Variants in LYRM4 observed in about 807,000 individuals in gnomAD.
The protein encoded by LYRM4 is LYR motif-containing protein 4.
A neutral mutation model predicts 11.7 loss-of-function variants in LYRM4; 9 were observed. The observed-to-expected ratio is 0.77, with a 90% confidence interval of 0.46 to 1.34. LYRM4 has a LOEUF of 1.34. Ranked by LOEUF, LYRM4 falls within the 40% of genes most tolerant of loss-of-function variation. The probability of loss-of-function intolerance (pLI) is 0.00; values close to 1 mark genes in which losing one functional copy is unlikely to be tolerated. For synonymous variants in LYRM4, 42 were observed against 40.4 expected, an observed-to-expected ratio of 1.04 and a Z score of -0.15; for missense variants, 133 against 112.5, an observed-to-expected ratio of 1.18 and a Z score of -0.82.
chr6:5,077,210 G>C, the LYRM4 span, among the ~76,000 whole-genome samples: 2 of 152,208 alleles, frequency 1.3e-5, no homozygotes, highest in Admixed American at 6.5e-5. Flanking sequence ...CACCTCACTA[G>C]GTTCCTATAA....
chr6:5,229,533 C>A (rs1763108481), intron 1 of LYRM4, among the ~76,000 whole-genome samples: 1 of 152,200 alleles, frequency 6.6e-6, no homozygotes, highest in Non-Finnish European at 1.5e-5. Flanking sequence ...TCTTCCTCCA[C>A]AGTTAGAAAA....
At position 5,158,790 on chromosome 6, in the gene LYRM4, G is replaced by A. The variant is rs570294029; in HGVS notation, c.208-49299C>T. On this transcript the variant is annotated intron_variant, in intron 2 of 2. Transcript: ENST00000330636. The stretch of plus-strand genomic sequence containing the variant: ...GCCTGGTCAAGTCTGCAGGTCTTGA[G>A]GTCATGTCTGTCAAGCAGAAATCTA... 1.2e-3 allele frequency among the ~76,000 whole-genome samples: 182 copies of A among 152,274 alleles called. 1 individual carries two copies. Among genetic ancestry groups the A allele is most frequent in the African/African-American group, 4.2e-3 (173 of 41,548 alleles).
chr6:5,133,086 T>C (rs1764029854), intron 2 of LYRM4, among the ~76,000 whole-genome samples: 1 of 152,168 alleles, frequency 6.6e-6, no homozygotes, highest in South Asian at 2.1e-4. Flanking sequence ...TGTTGTTGTG[T>C]TGGGCAGGGT....
intron 1 of LYRM4, among the ~76,000 whole-genome samples, chr6:5,221,460 C>T (rs1013890924): frequency 6.6e-6 from 1 of 151,800 alleles, no homozygotes. Flanking sequence ...TCTGGGAGGC[C>T]AAGGCGGGCG....
chr6:5,246,873 A>C lies in LYRM4; in HGVS notation c.86+13775T>G, dbSNP rs554030920. Among the ~76,000 whole-genome samples the C allele has an allele frequency of 3.3e-5, 5 of 152,238 alleles. No homozygotes were observed. In the South Asian group the frequency reaches 1.0e-3, roughly 32 times the overall value. ...AACAGAGACTTGGGAGTAAACACAG[A>C]GGTGGCAATTGAAACCACGGAATGT... On this transcript the variant is annotated intron_variant, in intron 1 of 2. Transcript: ENST00000330636.
intron 2 of LYRM4, among the ~76,000 whole-genome samples, chr6:5,201,890 A>C (rs1761413258): frequency 6.6e-6 from 1 of 152,188 alleles, no homozygotes; most frequent in Non-Finnish European, 1.5e-5. Flanking sequence ...CCTGGCATCA[A>C]CCATTACTGG....
intron 2 of LYRM4, among the ~76,000 whole-genome samples, chr6:5,207,958 A>G (rs62385044): frequency 0.016 from 2,397 of 152,248 alleles, 31 homozygotes; most frequent in Non-Finnish European, 0.026. Context: ...GCCACCCATA[A>G]TCTGATCCCT....
intron 1 of LYRM4, among the ~76,000 whole-genome samples, chr6:5,253,334 G>A (rs1328949467): frequency 6.6e-6 from 1 of 151,616 alleles, no homozygotes; most frequent in African/African-American, 2.4e-5. Flanking sequence ...AAGGAATGCA[G>A]TTTTTGCATT....
the LYRM4 span, among the ~76,000 whole-genome samples, chr6:5,058,033 T>C: frequency 3.9e-5 from 6 of 152,164 alleles, no homozygotes; most frequent in African/African-American, 1.4e-4. Flanking sequence ...ATTACAGGCA[T>C]GAGCCACCAC....
At chr6:5,153,854 A>T (rs1396332665) in intron 2 of LYRM4, among the ~76,000 whole-genome samples, 1 of 152,214 alleles carries the variant, frequency 6.6e-6, no homozygotes, top group Non-Finnish European at 1.5e-5. Flanking sequence ...AATAATTTTA[A>T]AACAGCAAAC....
At chr6:5,225,555 A>T (rs958850179) in intron 1 of LYRM4, among the ~76,000 whole-genome samples, 1 of 152,236 alleles carries the variant, frequency 6.6e-6, no homozygotes, top group African/African-American at 2.4e-5. Flanking sequence ...ATTTAGTTTT[A>T]AAAATGGTTA....
At chr6:5,185,133 C>T (rs537493368) in intron 2 of LYRM4, among the ~76,000 whole-genome samples, 1 of 152,192 alleles carries the variant, frequency 6.6e-6, no homozygotes, top group Non-Finnish European at 1.5e-5. Flanking sequence ...AGGGTCGAGT[C>T]GCCCCTTGTT....
chr6:5,259,396 A>C (rs1377329010), intron 1 of LYRM4, among the ~76,000 whole-genome samples: 1 of 152,262 alleles, frequency 6.6e-6, no homozygotes, highest in Non-Finnish European at 1.5e-5. Flanking sequence ...AGTCAAAGTC[A>C]TTAAGTAAAA....
intron 1 of LYRM4, among the ~76,000 whole-genome samples, chr6:5,252,348 C>T (rs1764473564): frequency 6.6e-6 from 1 of 152,178 alleles, no homozygotes; most frequent in Admixed American, 6.5e-5. Flanking sequence ...AGTTGCTTCT[C>T]CTCTCTATGC....
chr6:5,228,816 C>T lies in LYRM4; in HGVS notation c.87-12078G>A, dbSNP rs546460714. 2.8e-3 allele frequency among the ~76,000 whole-genome samples: 417 copies of T among 150,550 alleles called. 2 individuals carry two copies. The highest frequency in any genetic ancestry group is 3.7e-3 in the Non-Finnish European group (252 of 67,636). ...GAGATCGAGACCATCCTGGCTAACA[C>T]GGTGAAACCCCGTCTCTACTAAAAA... On this transcript the variant is annotated intron_variant, in intron 1 of 2. Coordinates refer to ENST00000330636, the MANE Select transcript of LYRM4 (RefSeq NM_020408.6).
At chr6:5,178,323 T>C (rs1272456042) in intron 2 of LYRM4, among the ~76,000 whole-genome samples, 3 of 152,158 alleles carry the variant, frequency 2.0e-5, no homozygotes, top group Admixed American at 1.3e-4. Context: ...TGAAGGCCAT[T>C]CTGAAAAGGA....
At chr6:5,158,795 T>G (rs1008830891) in intron 2 of LYRM4, among the ~76,000 whole-genome samples, 1 of 152,148 alleles carries the variant, frequency 6.6e-6, no homozygotes, top group African/African-American at 2.4e-5. Context: ...CTTGAGGTCA[T>G]GTCTGTCAAG....
intron 2 of LYRM4, among the ~76,000 whole-genome samples, chr6:5,140,176 C>T (rs988387528): frequency 6.0e-5 from 9 of 150,512 alleles, no homozygotes; most frequent in African/African-American, 2.2e-4. Flanking sequence ...TGCAGTGAGC[C>T]GTGATCGCAC....
intron 1 of LYRM4, among the ~76,000 whole-genome samples, chr6:5,235,099 T>C (rs1763462959): frequency 6.6e-6 from 1 of 152,166 alleles, no homozygotes; most frequent in Admixed American, 6.5e-5. Flanking sequence ...ACTTCCCCTA[T>C]AGGACCTGCT....
Sources: gnomAD v4.1 joint callset for allele counts (sites outside exome capture counted in the v4.1 genomes callset) on GRCh38, gnomAD v4.1.1 for gene constraint, MANE v1.5 for transcripts, NCBI Gene and HGNC (gene_info 2026-07-23, HGNC 2026-07-21) for gene names.